Variants in ADCY7 observed in about 807,000 individuals in gnomAD.
ADCY7 encodes the protein adenylate cyclase type 7.
ADCY7 carries 72 observed loss-of-function variants against 120.6 expected under a neutral mutation model. That is an observed-to-expected ratio of 0.60 (90% confidence interval 0.49 to 0.73). ADCY7 has a LOEUF of 0.73. Ranked by LOEUF, ADCY7 falls within the 30% of genes least tolerant of loss-of-function variation. ADCY7 has a pLI of 0.00. For synonymous variants in ADCY7, 661 were observed against 628.0 expected, an observed-to-expected ratio of 1.05 and a Z score of -0.78; for missense variants, 1,227 against 1,486.0, an observed-to-expected ratio of 0.83 and a Z score of 2.87.
chr16:50,248,076 G>A lies in ADCY7; in HGVS notation c.-64+1873G>A, dbSNP rs574470274. On this transcript the variant is annotated intron_variant, in intron 1 of 4. Coordinates refer to the ADCY7 transcript ENST00000564044. ...GAAAGCGGAGGTCCTCACAGGTCTG[G>A]TAGCAAGGAGCCGGGCTGTTCTCAT... is the stretch of plus-strand genomic sequence containing the variant. 5.4e-4 allele frequency among the ~76,000 whole-genome samples: 82 copies of A among 152,248 alleles called. 1 individual carries two copies. The highest frequency in any genetic ancestry group is 1.4e-3 in the African/African-American group (58 of 41,550).
In ADCY7 at chr16:50,305,800, A is replaced by ACTT; in HGVS notation, c.1706_1708dup (p.Phe569dup). 6.2e-7 allele frequency: 1 copy of ACTT among 1,613,928 alleles called. No homozygotes were observed. Among genetic ancestry groups the ACTT allele is most frequent in the South Asian group, 1.1e-5 (1 of 91,084 alleles). Reference sequence around the variant, plus strand: ...AGGCCCTGCTGCTCCAAGTCCGATGACTTCTACACCTTTGGGTCCATCTTC... The same window carrying ACTT: ...AGGCCCTGCTGCTCCAAGTCCGATGACTTCTTCTACACCTTTGGGTCCATCTTC... On this transcript the variant is annotated inframe_insertion, in exon 14 of 26. Coordinates refer to ENST00000673801, the MANE Select transcript of ADCY7 (RefSeq NM_001114.5).
rs541153870 is a variant in ADCY7 at position 50,317,568 on chromosome 16, C to G, written c.*2063C>G. The G allele has an allele frequency of 5.2e-5, 8 of 152,468 alleles. No individual in the cohort carries two copies. The highest frequency in any genetic ancestry group is 1.4e-4 in the African/African-American group (6 of 41,570). 9.4% of individuals were successfully genotyped at this position (152,468 alleles called of 1,614,324 possible). A position where few individuals can be genotyped will look rare whatever the true frequency, so the allele number is the denominator to read the frequency against. On this transcript the variant is annotated 3_prime_UTR_variant, in exon 26 of 26. Transcript: ENST00000673801. Reference sequence around the variant, plus strand: ...AACAAATAACTGACTACCACTCACTCATGCATTTTTATTTCCAATTAAAGC... The same window carrying G: ...AACAAATAACTGACTACCACTCACTGATGCATTTTTATTTCCAATTAAAGC...
chr16:50,312,780 C>G, intron 21 of ADCY7, 110 bp from the exon 22 acceptor site: 1 of 1,080,092 alleles, frequency 9.3e-7, no homozygotes, highest in Non-Finnish European at 1.3e-6. Context: ...CCCCACTCCC[C>G]GAAAGCTGGG....
chr16:50,308,567 T>C, intron 16 of ADCY7, 100 bp from the exon 17 acceptor site: 1 of 1,552,490 alleles, frequency 6.4e-7, no homozygotes, highest in Non-Finnish European at 8.7e-7. Flanking sequence ...CTGAGTGCCC[T>C]GGAGGCTTCT....
intron 1 of ADCY7, among the ~76,000 whole-genome samples, chr16:50,260,330 G>A (rs2033027363): frequency 6.6e-6 from 1 of 152,214 alleles, no homozygotes; most frequent in African/African-American, 2.4e-5. Context: ...GCATGAATAA[G>A]TTCAGGTTCT....
At chr16:50,283,586 A>T (rs2034407574) in intron 1 of ADCY7, among the ~76,000 whole-genome samples, 1 of 152,228 alleles carries the variant, frequency 6.6e-6, no homozygotes, top group Non-Finnish European at 1.5e-5. Context: ...TGCACAGCAG[A>T]AGCATGAAAT....
upstream of ADCY7, among the ~76,000 whole-genome samples, chr16:50,261,677 A>G (rs1418621412): frequency 6.6e-6 from 1 of 152,150 alleles, no homozygotes; most frequent in Non-Finnish European, 1.5e-5. Context: ...TCCTGACTTT[A>G]CAGAGGGACT....
At chr16:50,313,762 C>G in intron 22 of ADCY7, 196 bp from the exon 23 acceptor site, 1 of 577,342 alleles carries the variant, frequency 1.7e-6, no homozygotes, top group Admixed American at 3.1e-5. Context: ...ACGGAGACAA[C>G]AGGAAGAGCA....
chr16:50,285,630 C>T (rs1348260788), intron 1 of ADCY7, among the ~76,000 whole-genome samples: 1 of 152,228 alleles, frequency 6.6e-6, no homozygotes, highest in African/African-American at 2.4e-5. Context: ...AGCCTCCCTG[C>T]CCTCTGCCTC....
chr16:50,254,955 G>A (rs903141975), intron 1 of ADCY7, among the ~76,000 whole-genome samples: 3 of 151,880 alleles, frequency 2.0e-5, no homozygotes, highest in Non-Finnish European at 4.4e-5. Context: ...TATATTACAA[G>A]CTACAGTAAT....
At chr16:50,310,366 G>C (rs567479107) in intron 18 of ADCY7, 11 of 1,180,888 alleles carry the variant, frequency 9.3e-6, no homozygotes, top group Non-Finnish European at 1.3e-5. Context: ...GGTCCTTTGG[G>C]AGGGTAAGCT....
At chr16:50,302,877 G>A (rs1346839268) in intron 10 of ADCY7, among the ~76,000 whole-genome samples, 1 of 152,240 alleles carries the variant, frequency 6.6e-6, no homozygotes, top group Non-Finnish European at 1.5e-5. Context: ...TTTTTGACAT[G>A]GAGGTGGATT....
intron 1 of ADCY7, among the ~76,000 whole-genome samples, chr16:50,285,487 CCTG>C (rs1165957719): frequency 6.6e-6 from 1 of 152,202 alleles, no homozygotes; most frequent in Non-Finnish European, 1.5e-5. Flanking sequence ...CCCTGGATAT[CCTG>C]CTTTTTGCCT....
intron 14 of ADCY7, among the ~76,000 whole-genome samples, chr16:50,306,358 G>A (rs1199611267): frequency 6.6e-6 from 1 of 152,192 alleles, no homozygotes. Context: ...ACTTCACAGA[G>A]AGGAAACTGG....
intron 1 of ADCY7, among the ~76,000 whole-genome samples, chr16:50,250,467 A>C (rs1205671411): frequency 1.3e-5 from 2 of 151,756 alleles, no homozygotes; most frequent in Non-Finnish European, 2.9e-5. Context: ...AAAAAAAAAA[A>C]AAAAAAAAAA....
chr16:50,298,650 C>T (rs979541481), intron 7 of ADCY7, among the ~76,000 whole-genome samples: 5 of 152,232 alleles, frequency 3.3e-5, no homozygotes, highest in African/African-American at 1.2e-4. Context: ...GAAACCAAGG[C>T]AGACCCCTCC....
At chr16:50,300,047 G>T (rs1435570900) in intron 8 of ADCY7, among the ~76,000 whole-genome samples, 3 of 152,094 alleles carry the variant, frequency 2.0e-5, no homozygotes, top group African/African-American at 7.2e-5. Context: ...GTTTTGGGTG[G>T]TTCCTGGACC....
At chr16:50,298,125 T>C (rs1393278640) in intron 7 of ADCY7, among the ~76,000 whole-genome samples, 1 of 151,974 alleles carries the variant, frequency 6.6e-6, no homozygotes, top group Non-Finnish European at 1.5e-5. Context: ...CTTTCCTCTC[T>C]GCATTGATAT....
chr16:50,272,638 T>C (rs967091708), intron 1 of ADCY7, among the ~76,000 whole-genome samples: 1 of 152,204 alleles, frequency 6.6e-6, no homozygotes, highest in Admixed American at 6.5e-5. Context: ...GGGAGGGATG[T>C]GGACTGGGGG....
Sources: gnomAD v4.1 joint callset for allele counts (sites outside exome capture counted in the v4.1 genomes callset) on GRCh38, gnomAD v4.1.1 for gene constraint, MANE v1.5 for transcripts, NCBI Gene and HGNC (gene_info 2026-07-23, HGNC 2026-07-21) for gene names.